Variants in SLC2A9 observed in about 807,000 individuals in gnomAD.
The protein encoded by SLC2A9 is solute carrier family 2 member 9, also known as solute carrier family 2, facilitated glucose transporter member 9.
Under a neutral mutation model 50.6 loss-of-function variants are expected in SLC2A9, and 39 were observed. The ratio of observed to expected loss-of-function variants is 0.77; its 90% CI spans 0.60 to 1.01. The LOEUF (loss-of-function observed/expected upper bound fraction) is 1.01, where lower values mean the gene tolerates loss of function less well. Among genes scored for constraint, SLC2A9 ranks in the 50% least tolerant of loss-of-function variants. The pLI, the probability that SLC2A9 is intolerant of heterozygous loss-of-function variation, is 0.00. For synonymous variants in SLC2A9, 324 were observed against 276.9 expected, an observed-to-expected ratio of 1.17 and a Z score of -1.69; for missense variants, 686 against 677.6, an observed-to-expected ratio of 1.01 and a Z score of -0.14.
chr4:10,023,462 C>T (rs1033525700), upstream of SLC2A9, among the ~76,000 whole-genome samples: 3 of 152,214 alleles, frequency 2.0e-5, no homozygotes, highest in African/African-American at 4.8e-5. Flanking sequence ...GGGGACCTCA[C>T]CAGATTTTGC....
downstream of SLC2A9, among the ~76,000 whole-genome samples, chr4:9,821,414 G>A (rs190177508): frequency 2.6e-4 from 39 of 152,186 alleles, 1 homozygote; most frequent in Non-Finnish European, 4.1e-4. Flanking sequence ...ACGAAACACT[G>A]TATGTTCTTA....
intron 10 of SLC2A9, among the ~76,000 whole-genome samples, chr4:9,866,043 C>T (rs1732407536): frequency 6.6e-6 from 1 of 151,998 alleles, no homozygotes; most frequent in South Asian, 2.1e-4. Flanking sequence ...TCAAGCCATT[C>T]AGGAGGGCAA....
rs776747500 is a variant in SLC2A9 at position 9,942,004 on chromosome 4, A to T, written c.723T>A (p.Pro241=). The T allele has an allele frequency of 7.4e-6, 12 of 1,614,076 alleles. No homozygotes were observed. The East Asian group carries it at 2.7e-4, about 36-fold the overall frequency. Residue 241 remains proline (P), a synonymous_variant, in exon 6 of 12, where the codon CCT becomes CCA. Transcript: ENST00000264784. ...GAAGGCTCAGCAGCTGGACAACGGCAGGGACCACAATCACTCCAAACAGGT... is the reference window on the plus strand; with the variant it reads ...GAAGGCTCAGCAGCTGGACAACGGCTGGGACCACAATCACTCCAAACAGGT... The part of the protein sequence containing the change: ...WPYLFGVIVV[P]AVVQLLSLPF...
chr4:9,985,374 CATT>C (rs1756533846), intron 4 of SLC2A9, among the ~76,000 whole-genome samples: 2 of 152,288 alleles, frequency 1.3e-5, no homozygotes, highest in Admixed American at 1.3e-4. Context: ...GGAATATTAA[CATT>C]ATGATGAAGG....
chr4:9,785,883 C>A lies in SLC2A9; in HGVS notation n.386-5818G>T, dbSNP rs1310696546. ...GGTAATTGCTATGTTGCAAAAAAACCCAGGGTGAGTAGGGTGGTGAAGCTG... is the reference window on the plus strand; with the variant it reads ...GGTAATTGCTATGTTGCAAAAAAACACAGGGTGAGTAGGGTGGTGAAGCTG... On this transcript the variant is annotated intron_variant and non_coding_transcript_variant, in intron 3 of 3. Transcript: ENST00000503803. Among the ~76,000 whole-genome samples, 5 of 152,192 alleles carry A rather than the reference C, an allele frequency of 3.3e-5. No homozygotes were observed. In the South Asian group the frequency reaches 8.3e-4, roughly 25 times the overall value.
At chr4:9,957,094 C>A (rs1751442678) in intron 5 of SLC2A9, among the ~76,000 whole-genome samples, 1 of 151,992 alleles carries the variant, frequency 6.6e-6, no homozygotes. Flanking sequence ...GGCCTTTAGC[C>A]TCATGCCCTT....
At chr4:9,824,825 T>C (rs1164744016), downstream of SLC2A9, among the ~76,000 whole-genome samples, 2 of 152,222 alleles carry the variant, frequency 1.3e-5, no homozygotes, top group Non-Finnish European at 2.9e-5. Context: ...TTTGGCTCTT[T>C]TGGTCTCAGG....
intron 7 of SLC2A9, among the ~76,000 whole-genome samples, chr4:9,908,853 C>CT (rs971884375): frequency 6.6e-6 from 1 of 152,118 alleles, no homozygotes; most frequent in African/African-American, 2.4e-5. Flanking sequence ...AGGAAGTTTC[C>CT]TTTTTTTAAA....
intron 2 of SLC2A9, among the ~76,000 whole-genome samples, chr4:9,999,597 AC>A (rs1759404650): frequency 6.6e-6 from 1 of 152,138 alleles, no homozygotes; most frequent in African/African-American, 2.4e-5. Context: ...GAGGAACAGG[AC>A]CAGAAAGGGA....
chr4:9,776,006 T>A (rs548412836), downstream of SLC2A9, among the ~76,000 whole-genome samples: 4 of 151,988 alleles, frequency 2.6e-5, no homozygotes, highest in Non-Finnish European at 5.9e-5. Context: ...TTCACATCAC[T>A]TCCGCTCACA....
chr4:10,019,588 C>T (rs965961927), intron 1 of SLC2A9, among the ~76,000 whole-genome samples: 5 of 152,226 alleles, frequency 3.3e-5, no homozygotes, highest in Admixed American at 1.3e-4. Flanking sequence ...TCCAGGTGGC[C>T]TGGCTGCAGT....
intron 8 of SLC2A9, among the ~76,000 whole-genome samples, chr4:9,894,910 A>G (rs569100572): frequency 2.0e-5 from 3 of 152,212 alleles, no homozygotes; most frequent in African/African-American, 7.2e-5. Flanking sequence ...AGATCAGCAC[A>G]TGTTACATTG....
At chr4:9,873,002 G>T (rs1480030126) in intron 10 of SLC2A9, among the ~76,000 whole-genome samples, 2 of 152,182 alleles carry the variant, frequency 1.3e-5, no homozygotes. Context: ...CCTTGGAAAT[G>T]ACCATAATAT....
intron 2 of SLC2A9, among the ~76,000 whole-genome samples, chr4:10,018,574 A>G (rs1763035620): frequency 6.6e-6 from 1 of 151,364 alleles, no homozygotes; most frequent in Admixed American, 6.6e-5. Context: ...ATAGATAGAT[A>G]GATAGATAGA....
chr4:9,938,442 T>C (rs1224176232), intron 6 of SLC2A9, among the ~76,000 whole-genome samples: 1 of 152,002 alleles, frequency 6.6e-6, no homozygotes, highest in East Asian at 1.9e-4. Context: ...CGGCTAATTT[T>C]TTTTATTTTT....
At chr4:9,794,149 C>CTTTTTTTTTT (rs1376089385), downstream of SLC2A9, among the ~76,000 whole-genome samples, 1 of 146,490 alleles carries the variant, frequency 6.8e-6, no homozygotes. Flanking sequence ...TCATTAATTC[C>CTTTTTTTTTT]TTTTTTTTGT....
At chr4:9,951,429 T>G (rs1039597980) in intron 5 of SLC2A9, among the ~76,000 whole-genome samples, 1 of 152,148 alleles carries the variant, frequency 6.6e-6, no homozygotes, top group Non-Finnish European at 1.5e-5. Flanking sequence ...ATAACTAAAG[T>G]TAACAAAAAT....
intron 6 of SLC2A9, among the ~76,000 whole-genome samples, chr4:9,925,254 T>C (rs1744692264): frequency 6.6e-6 from 1 of 152,228 alleles, no homozygotes. Context: ...AGCAGTTACA[T>C]CTTTTGGAGA....
chr4:9,773,496 AG>A (rs1353353596), intron 1 of SLC2A9, among the ~76,000 whole-genome samples: 1 of 152,212 alleles, frequency 6.6e-6, no homozygotes, highest in Non-Finnish European at 1.5e-5. Flanking sequence ...CAGAAGAAGG[AG>A]GGTCAATGAG....
Sources: gnomAD v4.1 joint callset for allele counts (sites outside exome capture counted in the v4.1 genomes callset) on GRCh38, gnomAD v4.1.1 for gene constraint, MANE v1.5 for transcripts, NCBI Gene and HGNC (gene_info 2026-07-23, HGNC 2026-07-21) for gene names.